The following OR5V1 variants were observed in gnomAD, a reference collection of about 807,000 sequenced individuals.
The protein encoded by OR5V1 is olfactory receptor family 5 subfamily V member 1.
For missense variants in OR5V1, 365 were observed against 371.5 expected, an observed-to-expected ratio of 0.98 and a Z score of 0.14; for synonymous variants, 134 against 143.2, an observed-to-expected ratio of 0.94 and a Z score of 0.46.
chr6:29,367,485 T>C (rs917427711), intron 1 of OR5V1, among the ~76,000 whole-genome samples: 1 of 152,198 alleles, frequency 6.6e-6, no homozygotes, highest in African/African-American at 2.4e-5. Context: ...AGCAAAATTT[T>C]CCAAGAAAAC....
intron 1 of OR5V1, among the ~76,000 whole-genome samples, chr6:29,361,458 G>T (rs1360131432): frequency 1.3e-5 from 2 of 152,034 alleles, no homozygotes; most frequent in East Asian, 3.9e-4. Context: ...CTCGAGAAGG[G>T]CAACCCCAAG....
chr6:29,356,864 A>G (rs1778337105), intron 1 of OR5V1, among the ~76,000 whole-genome samples: 1 of 152,032 alleles, frequency 6.6e-6, no homozygotes, highest in Non-Finnish European at 1.5e-5. Context: ...TTTTTCCTTA[A>G]TTTTCCGTGG....
rs369473359 is a variant in OR5V1, at chr6:29,355,941, G to A, written c.255C>T (p.Leu85=). 24 of 1,613,904 alleles carry A rather than the reference G, an allele frequency of 1.5e-5. No homozygotes were observed. In the East Asian group the frequency reaches 4.0e-4, roughly 27 times the overall value. The change falls in exon 2 of 2, where the codon CTC becomes CTT. Residue 85 remains leucine, a synonymous_variant. Transcript: ENST00000641768. ...TSNVPQMMVH[L]LSKKKSISYV... ...AAGAAATGCTTTTTTTCTTTGAGAGGAGGTGCACCATCATCTGGGGGACAT... is the reference window on the plus strand; with the variant it reads ...AAGAAATGCTTTTTTTCTTTGAGAGAAGGTGCACCATCATCTGGGGGACAT...
At chr6:29,366,076 T>TAG (rs1778840425) in intron 1 of OR5V1, among the ~76,000 whole-genome samples, 2 of 152,148 alleles carry the variant, frequency 1.3e-5, no homozygotes. Flanking sequence ...ACACTACATG[T>TAG]TCTCACTCAT....
chr6:29,358,256 C>T (rs531366469), intron 1 of OR5V1, among the ~76,000 whole-genome samples: 4 of 152,062 alleles, frequency 2.6e-5, no homozygotes, highest in Non-Finnish European at 5.9e-5. Context: ...TCTTTTTTAA[C>T]ATTTCCTTCC....
rs757161466 is a variant in OR5V1, at chr6:29,356,086, C to T, written c.110G>A (p.Cys37Tyr). Residue 37 changes from cysteine to tyrosine, a missense_variant, in exon 2 of 2, where the codon TGT becomes TAT. Cys to Tyr is a radical substitution (Grantham distance 194). Coordinates refer to ENST00000641768, the MANE Select transcript of OR5V1 (RefSeq NM_030876.6). Reference sequence around the variant, plus strand: ...AATTAATATATTTCCTCCCAAAGTACAGAAATAAGTCAGAAAGAAGATGGT... The same window carrying T: ...AATTAATATATTTCCTCCCAAAGTATAGAAATAAGTCAGAAAGAAGATGGT... Reference protein sequence around the residue: ...LFTIFFLTYFCTLGGNILIIL... With the variant: ...LFTIFFLTYFYTLGGNILIIL... 1 of 1,613,876 alleles carries T rather than the reference C, an allele frequency of 6.2e-7. No individual in the cohort carries two copies.
intron 1 of OR5V1, among the ~76,000 whole-genome samples, chr6:29,356,909 T>G (rs1778340103): frequency 6.6e-6 from 1 of 152,188 alleles, no homozygotes; most frequent in Non-Finnish European, 1.5e-5. Context: ...ATCTTTGAGT[T>G]GTATTCAAGT....
intron 1 of OR5V1, among the ~76,000 whole-genome samples, chr6:29,357,279 G>A (rs61073245): frequency 0.068 from 10,280 of 152,060 alleles, 755 homozygotes; most frequent in African/African-American, 0.19. Context: ...AATCCTTTAA[G>A]ATAAGTAATA....
rs9280595 is a variant in OR5V1, at chr6:29,364,797, C to CAAAAAAAA, written c.-83+3827_-83+3834dup. Among the ~76,000 whole-genome samples, 12 of 3,228 alleles carry CAAAAAAAA rather than the reference C, an allele frequency of 3.7e-3. 4 individuals carry two copies. The highest frequency in any genetic ancestry group is 5.7e-3 in the African/African-American group (7 of 1,234). The allele number at this position is 3,228 out of a possible 152,430, so 2.1% of individuals were successfully genotyped here. On this transcript the variant is annotated intron_variant, in intron 1 of 1. Coordinates refer to ENST00000641768, the MANE Select transcript of OR5V1 (RefSeq NM_030876.6). ...TGGGCGACAGAGCGAGACTCCGTCT[C>CAAAAAAAA]AAAAAAAAAAAAAAAAAAAAAAAAA...
At position 29,359,609 on chromosome 6, in the gene OR5V1, A is replaced by G. The variant is rs141902228; in HGVS notation, c.-82-3332T>C. 7.8e-3 allele frequency among the ~76,000 whole-genome samples: 1,182 copies of G among 152,250 alleles called. 11 individuals carry two copies. The highest frequency in any genetic ancestry group is 0.013 in the African/African-American group (558 of 41,542). On this transcript the variant is annotated intron_variant, in intron 1 of 1. Transcript: ENST00000641768. ...TGATTTCTGCATTTCCAACTGAGGTACCAGTTAGGTAACTGGTTAGGAAGC... is the reference window on the plus strand; with the variant it reads ...TGATTTCTGCATTTCCAACTGAGGTGCCAGTTAGGTAACTGGTTAGGAAGC...
At chr6:29,366,227 G>A (rs542764760) in intron 1 of OR5V1, among the ~76,000 whole-genome samples, 10 of 150,844 alleles carry the variant, frequency 6.6e-5, no homozygotes, top group African/African-American at 1.7e-4. Context: ...CCGAGATGAC[G>A]TGTTGATCAG....
chr6:29,359,042 G>A (rs746009419), intron 1 of OR5V1, among the ~76,000 whole-genome samples: 11 of 152,078 alleles, frequency 7.2e-5, no homozygotes, highest in Non-Finnish European at 1.2e-4. Flanking sequence ...ATAACATCAC[G>A]TTATATATAT....
rs141436521 is a variant in OR5V1, at chr6:29,355,433, C to T, written c.763G>A (p.Ala255Thr). The T allele has an allele frequency of 2.6e-3, 4,235 of 1,613,916 alleles. 14 individuals are homozygous for T. The highest frequency in any genetic ancestry group is 3.1e-3 in the Non-Finnish European group (3,625 of 1,179,880). Residue 255 changes from alanine to threonine, a missense_variant, in exon 2 of 2, where the codon GCC (alanine) becomes ACC (threonine). Physicochemically the swap from Ala to Thr is moderately conservative, Grantham distance 58 (BLOSUM62 0). Transcript: ENST00000641768. ...LAIVFLFYGSAIFTYVRPIST... is the reference protein window; with the variant it reads ...LAIVFLFYGSTIFTYVRPIST... ...ATGGGCCGTACATATGTAAAGATGG[C>T]GCTGCCATAAAAGAGAAAGACAATG...
rs1334247170 is a variant in OR5V1 at position 29,356,070 on chromosome 6, A to AT, written c.125dup (p.Asn42LysfsTer11). Reference sequence around the variant, plus strand: ...TCACAGTCGTCAAGATAATTAATATATTTCCTCCCAAAGTACAGAAATAAG... The same window carrying AT: ...TCACAGTCGTCAAGATAATTAATATATTTTCCTCCCAAAGTACAGAAATAAG... On this transcript the variant is annotated frameshift_variant, in exon 2 of 2. Transcript: ENST00000641768. LOFTEE classifies it low-confidence loss of function (END_TRUNC). 1.4e-5 allele frequency: 23 copies of AT among 1,613,906 alleles called. No homozygotes were observed. In the Admixed American group the frequency reaches 3.8e-4, roughly 27 times the overall value.
Position 29,354,392 on chromosome 6 carries a change from CA to C in OR5V1, c.*837del, listed in dbSNP as rs1446693934. On this transcript the variant is annotated 3_prime_UTR_variant, in exon 2 of 2. Transcript: ENST00000641768. ...AGTAATTAAGTACTTTTACTTTTAACATTAGTAATTTCTACTTTTTTTTCTA... is the reference window on the plus strand; with the variant it reads ...AGTAATTAAGTACTTTTACTTTTAACTTAGTAATTTCTACTTTTTTTTCTA... 6.6e-6 allele frequency: 1 copy of C among 151,970 alleles called. No individual in the cohort carries two copies. The highest frequency in any genetic ancestry group is 6.6e-5 in the Admixed American group (1 of 15,250). 9.4% of individuals were successfully genotyped at this position (151,970 alleles called of 1,614,324 possible). A position where few individuals can be genotyped will look rare whatever the true frequency, so the allele number is the denominator to read the frequency against.
rs1206970765 is a variant in OR5V1 at position 29,355,223 on chromosome 6, G to A, written c.*7C>T. The A allele has an allele frequency of 6.4e-7, 1 of 1,564,376 alleles. No homozygotes were observed. On this transcript the variant is annotated 3_prime_UTR_variant, in exon 2 of 2. Transcript: ENST00000641768. ...TTTGTAGTATAAGATTATTGAACCTGTGAGGTTCAATAAGTGAGTTTACTA... is the reference window on the plus strand; with the variant it reads ...TTTGTAGTATAAGATTATTGAACCTATGAGGTTCAATAAGTGAGTTTACTA...
chr6:29,356,445 T>C (rs1027395381), intron 1 of OR5V1, among the ~76,000 whole-genome samples, 168 bp from the exon 2 acceptor site: 3 of 152,102 alleles, frequency 2.0e-5, no homozygotes, highest in African/African-American at 4.8e-5. Flanking sequence ...TATACAACAC[T>C]GGAAGTTTTA....
chr6:29,366,977 C>T (rs1470261638), intron 1 of OR5V1, among the ~76,000 whole-genome samples: 4 of 152,164 alleles, frequency 2.6e-5, no homozygotes, highest in African/African-American at 9.7e-5. Context: ...GATCATTGCC[C>T]TTTACTTCAA....
In OR5V1 at chr6:29,363,026, G is replaced by A. The variant is rs1010655798; in HGVS notation, c.-83+5606C>T. Among the ~76,000 whole-genome samples the A allele has an allele frequency of 3.3e-5, 5 of 152,102 alleles. No homozygotes were observed. The East Asian group carries it at 9.7e-4, about 29-fold the overall frequency. On this transcript the variant is annotated intron_variant, in intron 1 of 1. Transcript: ENST00000641768. ...AATGCAGGAGCTGGTTATTTGAGAA[G>A]ATTAACAAAAGAGATAGACTGCTAG...
Sources: gnomAD v4.1 joint callset for allele counts (sites outside exome capture counted in the v4.1 genomes callset) on GRCh38, gnomAD v4.1.1 for gene constraint, MANE v1.5 for transcripts, NCBI Gene and HGNC (gene_info 2026-07-23, HGNC 2026-07-21) for gene names.